APP: variants seen among roughly 807,000 people sequenced by gnomAD.
APP encodes the protein amyloid beta precursor protein.
In APP, 31 loss-of-function variants were observed where a neutral mutation model predicts 101.4. That is an observed-to-expected ratio of 0.31 (90% CI 0.23 to 0.41). The LOEUF is 0.41. APP is among the 10% of genes least tolerant of loss of function. APP has a pLI of 1.00. For missense variants in APP, 839 were observed against 1,003.7 expected, an observed-to-expected ratio of 0.84 and a Z score of 2.22; for synonymous variants, 366 against 364.4, an observed-to-expected ratio of 1.00 and a Z score of -0.05.
chr21:25,978,383 A>G (rs566441107), intron 9 of APP, among the ~76,000 whole-genome samples: 6 of 152,306 alleles, frequency 3.9e-5, no homozygotes, highest in African/African-American at 1.2e-4. Context: ...TACAAAATCT[A>G]TCTAATTTAA....
intron 1 of APP, among the ~76,000 whole-genome samples, chr21:26,167,739 TTTTCA>T (rs1387538789): frequency 2.0e-5 from 3 of 152,252 alleles, no homozygotes; most frequent in Non-Finnish European, 4.4e-5. Context: ...TGCATGTTCC[TTTTCA>T]TTTCCTCAGT....
Position 26,170,357 on chromosome 21 carries a change from C to T in APP, c.57+207G>A, listed in dbSNP as rs1368961525. 1.4e-4 allele frequency among the ~76,000 whole-genome samples: 21 copies of T among 152,176 alleles called. 1 individual carries two copies. On this transcript the variant is annotated intron_variant, in intron 1 of 17. Transcript: ENST00000346798. Reference sequence around the variant, plus strand: ...GGGAGACCAGCGCCTCGCCCGCTCCCTCTCAGCGGGCCGGAGCGCGACTCC... The same window carrying T: ...GGGAGACCAGCGCCTCGCCCGCTCCTTCTCAGCGGGCCGGAGCGCGACTCC...
At chr21:25,974,230 C>T (rs2042142300) in intron 11 of APP, among the ~76,000 whole-genome samples, 1 of 152,132 alleles carries the variant, frequency 6.6e-6, no homozygotes, top group African/African-American at 2.4e-5. Context: ...TCTTACAACT[C>T]AGCCAAATCT....
chr21:26,114,283 C>G (rs1054836473), intron 1 of APP, among the ~76,000 whole-genome samples: 2 of 152,162 alleles, frequency 1.3e-5, no homozygotes, highest in African/African-American at 4.8e-5. Flanking sequence ...TTGACAATTT[C>G]TCTCCCCAGG....
intron 1 of APP, among the ~76,000 whole-genome samples, chr21:26,147,241 C>T (rs755201515): frequency 2.0e-5 from 3 of 152,120 alleles, no homozygotes; most frequent in Non-Finnish European, 4.4e-5. Context: ...GACAGAGAGC[C>T]TGCTTTTCTC....
At chr21:26,014,391 C>G (rs944018217) in intron 6 of APP, among the ~76,000 whole-genome samples, 5 of 152,216 alleles carry the variant, frequency 3.3e-5, no homozygotes, top group African/African-American at 1.2e-4. Context: ...GAGATCAATA[C>G]AAGCTACTCT....
At chr21:25,894,523 G>A (rs940368215) in intron 16 of APP, among the ~76,000 whole-genome samples, 1 of 152,184 alleles carries the variant, frequency 6.6e-6, no homozygotes. Context: ...GGGTGACTTT[G>A]AGGAGTTCAA....
chr21:26,083,864 TACA>T (rs2061645740), intron 3 of APP, among the ~76,000 whole-genome samples: 1 of 152,138 alleles, frequency 6.6e-6, no homozygotes, highest in South Asian at 2.1e-4. Context: ...GACACCTGAA[TACA>T]ACTCCAGTAA....
At chr21:25,942,413 GA>G (rs1390683989) in intron 13 of APP, 3 of 152,168 alleles carry the variant, frequency 2.0e-5, no homozygotes, top group Non-Finnish European at 2.9e-5. Context: ...TGAACGAGCT[GA>G]AAACTAAGAT....
chr21:25,906,020 A>G (rs1052807571), intron 14 of APP, among the ~76,000 whole-genome samples: 1 of 152,218 alleles, frequency 6.6e-6, no homozygotes, highest in Non-Finnish European at 1.5e-5. Flanking sequence ...GGTAAGACAA[A>G]GTGAGCACAG....
At chr21:26,107,278 C>A (rs1038096991) in intron 2 of APP, among the ~76,000 whole-genome samples, 1 of 152,130 alleles carries the variant, frequency 6.6e-6, no homozygotes, top group Admixed American at 6.5e-5. Flanking sequence ...CAGATAATTC[C>A]AGATGATTCC....
At chr21:26,092,616 T>A (rs1015063249) in intron 2 of APP, among the ~76,000 whole-genome samples, 5 of 152,224 alleles carry the variant, frequency 3.3e-5, no homozygotes. Flanking sequence ...TATGTCATTA[T>A]ACATTTGTCC....
chr21:26,100,854 T>G (rs1202065415), intron 2 of APP, among the ~76,000 whole-genome samples: 1 of 152,068 alleles, frequency 6.6e-6, no homozygotes, highest in Non-Finnish European at 1.5e-5. Flanking sequence ...CATAAACCAA[T>G]AAAAGAGATG....
chr21:25,974,269 T>A (rs2042143676), intron 11 of APP, among the ~76,000 whole-genome samples: 1 of 152,174 alleles, frequency 6.6e-6, no homozygotes, highest in Non-Finnish European at 1.5e-5. Context: ...GTTATATTAT[T>A]ATACTTACAT....
At chr21:25,983,946 C>T (rs1293852682) in intron 8 of APP, among the ~76,000 whole-genome samples, 1 of 152,186 alleles carries the variant, frequency 6.6e-6, no homozygotes, top group Non-Finnish European at 1.5e-5. Context: ...TCAGCTGTGA[C>T]CTGGGGCAGG....
chr21:26,128,942 G>A (rs77101155), intron 1 of APP, among the ~76,000 whole-genome samples: 1 of 152,062 alleles, frequency 6.6e-6, no homozygotes, highest in Non-Finnish European at 1.5e-5. Flanking sequence ...GCCTTAAAGG[G>A]AACAAAAGCA....
At chr21:26,121,462 A>G (rs2062568862) in intron 1 of APP, among the ~76,000 whole-genome samples, 1 of 151,788 alleles carries the variant, frequency 6.6e-6, no homozygotes, top group African/African-American at 2.4e-5. Flanking sequence ...ATCTCAGCTC[A>G]CTGCAACCTC....
At chr21:25,902,537 GGCA>G (rs1356730271) in intron 15 of APP, among the ~76,000 whole-genome samples, 1 of 147,282 alleles carries the variant, frequency 6.8e-6, no homozygotes, top group Non-Finnish European at 1.5e-5. Flanking sequence ...CATCTTACTG[GGCA>G]ACCCAAGCCT....
rs564072880 is a variant in APP, at chr21:26,134,618, T to C, written c.58-22472A>G. Among the ~76,000 whole-genome samples the C allele has an allele frequency of 2.7e-4, 41 of 152,326 alleles. No individual in the cohort carries two copies. In the South Asian group the frequency reaches 7.7e-3, roughly 28 times the overall value. ...TCCATGTGTTCAGCTATCTGGAAGT[T>C]CCCAGAACGCGGTCCTTCAGGGTTG... On this transcript the variant is annotated intron_variant, in intron 1 of 17. Coordinates refer to ENST00000346798, the MANE Select transcript of APP (RefSeq NM_000484.4).
Sources: allele counts gnomAD v4.1 joint callset (sites outside exome capture counted in the v4.1 genomes callset), GRCh38; gene constraint gnomAD v4.1.1; transcripts MANE v1.5; gene names NCBI Gene and HGNC (gene_info 2026-07-23, HGNC 2026-07-21).